The following DCDC2 variants were observed in gnomAD, a reference collection of about 807,000 sequenced individuals.
The protein encoded by DCDC2 is doublecortin domain containing 2, also known as doublecortin domain-containing protein 2.
A neutral mutation model predicts 50.2 loss-of-function variants in DCDC2; 40 were observed. The observed-to-expected ratio is 0.80, with a 90% CI of 0.62 to 1.04. The LOEUF is 1.04. DCDC2 is among the 50% of genes least tolerant of loss of function. The probability of loss-of-function intolerance (pLI) is 0.00; values close to 1 mark genes in which losing one functional copy is unlikely to be tolerated. For synonymous variants in DCDC2, 234 were observed against 210.6 expected (o/e 1.11, Z -0.96); for missense variants, 570 against 581.9 (o/e 0.98, Z 0.21).
At chr6:24,194,974 A>T (rs1761400144) in intron 8 of DCDC2, among the ~76,000 whole-genome samples, 1 of 152,160 alleles carries the variant, frequency 6.6e-6, no homozygotes, top group African/African-American at 2.4e-5. Flanking sequence ...ACTAATGAAA[A>T]GAGTCTGGAC....
intron 8 of DCDC2, among the ~76,000 whole-genome samples, chr6:24,198,204 C>T (rs894602215): frequency 2.0e-5 from 3 of 152,142 alleles, no homozygotes; most frequent in Non-Finnish European, 4.4e-5. Context: ...TAAAAAAATG[C>T]TTTTCTGAAG....
intron 6 of DCDC2, among the ~76,000 whole-genome samples, chr6:24,280,559 T>C (rs963878827): frequency 5.9e-5 from 9 of 152,098 alleles, no homozygotes; most frequent in African/African-American, 2.2e-4. Flanking sequence ...TTTTTTTAGA[T>C]GGAATCTCAC....
At chr6:24,261,397 G>A (rs763072235) in intron 7 of DCDC2, among the ~76,000 whole-genome samples, 1 of 152,006 alleles carries the variant, frequency 6.6e-6, no homozygotes, top group Admixed American at 6.5e-5. Flanking sequence ...TCTACCTCAA[G>A]TTCCTGAGTT....
At chr6:24,273,379 G>A (rs2113815430) in intron 7 of DCDC2, among the ~76,000 whole-genome samples, 1 of 152,228 alleles carries the variant, frequency 6.6e-6, no homozygotes. Flanking sequence ...ACTTCACCAT[G>A]ACACAATACA....
chr6:24,365,193 C>T, the DCDC2 span, among the ~76,000 whole-genome samples: 3 of 152,214 alleles, frequency 2.0e-5, no homozygotes, highest in African/African-American at 7.2e-5. Flanking sequence ...GGGTATCATC[C>T]TTAACTCCTA....
the DCDC2 span, among the ~76,000 whole-genome samples, chr6:24,374,577 CAAAA>C: frequency 1.0e-3 from 59 of 57,468 alleles, no homozygotes; most frequent in Admixed American, 1.6e-3. Flanking sequence ...AGACTCCATC[CAAAA>C]AAAAAAAAAA....
intron 2 of DCDC2, among the ~76,000 whole-genome samples, chr6:24,327,487 G>GATT (rs60225907): frequency 0.12 from 3,454 of 29,342 alleles, 171 homozygotes; most frequent in African/African-American, 0.22. Context: ...TTTATTTATT[G>GATT]GCTGATACGG....
At chr6:24,321,313 T>C (rs893962686) in intron 2 of DCDC2, among the ~76,000 whole-genome samples, 2 of 152,026 alleles carry the variant, frequency 1.3e-5, no homozygotes, top group Admixed American at 1.3e-4. Context: ...TAAGAAACAG[T>C]ATATTTGCAT....
chr6:24,322,016 G>A (rs1759782309), intron 2 of DCDC2, among the ~76,000 whole-genome samples: 1 of 152,104 alleles, frequency 6.6e-6, no homozygotes, highest in East Asian at 1.9e-4. Context: ...CTTTGCAATC[G>A]TTTCATGGAT....
intron 7 of DCDC2, among the ~76,000 whole-genome samples, chr6:24,243,341 A>G (rs1762603576): frequency 6.6e-6 from 1 of 152,148 alleles, no homozygotes; most frequent in Admixed American, 6.5e-5. Flanking sequence ...GAGGTTGCAC[A>G]CCTCTGGACA....
At chr6:24,245,090 T>A in intron 7 of DCDC2, among the ~76,000 whole-genome samples, 1 of 152,020 alleles carries the variant, frequency 6.6e-6, no homozygotes, top group Non-Finnish European at 1.5e-5. Context: ...GCTACTCAGG[T>A]GGTTGAGGCA....
chr6:24,206,139 A>G (rs184271451), intron 7 of DCDC2, among the ~76,000 whole-genome samples: 1 of 152,334 alleles, frequency 6.6e-6, no homozygotes, highest in East Asian at 1.9e-4. Context: ...GTCACTCTTA[A>G]TTAAATGTAA....
At chr6:24,305,167 A>G (rs1759449261) in intron 2 of DCDC2, among the ~76,000 whole-genome samples, 1 of 152,244 alleles carries the variant, frequency 6.6e-6, no homozygotes. Flanking sequence ...ATAAAAATAC[A>G]TGATTGTTGA....
intron 7 of DCDC2, among the ~76,000 whole-genome samples, chr6:24,215,085 T>A (rs539329776): frequency 3.3e-5 from 5 of 152,130 alleles, no homozygotes; most frequent in African/African-American, 1.2e-4. Flanking sequence ...CTATGTAAGC[T>A]GTTAAGACAG....
At chr6:24,360,025 T>G (rs766538777), upstream of DCDC2, among the ~76,000 whole-genome samples, 10 of 152,000 alleles carry the variant, frequency 6.6e-5, no homozygotes, top group East Asian at 3.9e-4. Context: ...GGCGGGGCGG[T>G]GCGGCTCGGG....
intron 9 of DCDC2, 113 bp from the exon 10 acceptor site, chr6:24,174,947 T>C (rs980205366): frequency 7.4e-6 from 4 of 543,796 alleles, no homozygotes; most frequent in Non-Finnish European, 1.2e-5. Context: ...AATATTTAAC[T>C]AAAAAGAGTT....
chr6:24,206,300 T>C (rs1470485520), intron 7 of DCDC2, among the ~76,000 whole-genome samples: 2 of 151,468 alleles, frequency 1.3e-5, no homozygotes, highest in Non-Finnish European at 2.9e-5. Context: ...TCCAATAAGG[T>C]GAATGATGAG....
intron 7 of DCDC2, among the ~76,000 whole-genome samples, chr6:24,273,009 T>TACACAC (rs60162257): frequency 1.3e-4 from 19 of 149,458 alleles, no homozygotes; most frequent in African/African-American, 3.7e-4. Flanking sequence ...TATAAAGACA[T>TACACAC]ACACACACAC....
chr6:24,205,409 A>C (rs1046862304), intron 7 of DCDC2: 6 of 1,323,174 alleles, frequency 4.5e-6, no homozygotes, highest in South Asian at 1.6e-5. Context: ...AGATGAGAAG[A>C]AATTCACAAG....
Sources: gnomAD v4.1 joint callset for allele counts (sites outside exome capture counted in the v4.1 genomes callset) on GRCh38, gnomAD v4.1.1 for gene constraint, MANE v1.5 for transcripts, NCBI Gene and HGNC (gene_info 2026-07-23, HGNC 2026-07-21) for gene names.